The following CTNNA1 variants were observed in gnomAD, a reference collection of about 807,000 sequenced individuals.
CTNNA1 encodes catenin alpha 1, also known as catenin alpha-1.
CTNNA1 carries 37 observed loss-of-function variants against 98.4 expected under a neutral mutation model. The observed-to-expected ratio is 0.38, with a 90% CI of 0.29 to 0.49. The LOEUF (loss-of-function observed/expected upper bound fraction) is 0.49. Ranked by LOEUF, CTNNA1 falls within the 20% of genes least tolerant of loss-of-function variation. The pLI, the probability that CTNNA1 is intolerant of heterozygous loss-of-function variation, is 0.95. For missense variants in CTNNA1, 761 were observed against 1,147.2 expected (o/e 0.66, Z 4.86); for synonymous variants, 404 against 413.2 (o/e 0.98, Z 0.27).
intron 7 of CTNNA1, among the ~76,000 whole-genome samples, chr5:138,849,279 A>T (rs184895921): frequency 3.6e-4 from 55 of 152,220 alleles, no homozygotes; most frequent in Admixed American, 2.4e-3. Context: ...TTTTAAAATT[A>T]GCACTAGAGG....
intron 3 of CTNNA1, among the ~76,000 whole-genome samples, chr5:138,806,915 G>C (rs1435850781): frequency 6.6e-6 from 1 of 151,456 alleles, no homozygotes; most frequent in Non-Finnish European, 1.5e-5. Flanking sequence ...AGCTTTAGTT[G>C]CATTATTTGT....
At chr5:138,899,718 T>A (rs2150113191) in intron 9 of CTNNA1, among the ~76,000 whole-genome samples, 1 of 152,340 alleles carries the variant, frequency 6.6e-6, no homozygotes, top group East Asian at 1.9e-4. Flanking sequence ...AAACACTGTT[T>A]TGGCTGATTG....
intron 7 of CTNNA1, among the ~76,000 whole-genome samples, chr5:138,837,430 T>G (rs1263620206): frequency 6.6e-6 from 1 of 151,218 alleles, no homozygotes; most frequent in Non-Finnish European, 1.5e-5. Flanking sequence ...CTCCTCCTCC[T>G]TCTTTTCTTC....
At chr5:138,823,785 G>A (rs1215461802) in intron 5 of CTNNA1, among the ~76,000 whole-genome samples, 2 of 150,936 alleles carry the variant, frequency 1.3e-5, no homozygotes, top group East Asian at 1.9e-4. Context: ...GTGAAACCCC[G>A]TCTCTACTAA....
intron 11 of CTNNA1, among the ~76,000 whole-genome samples, chr5:138,921,157 T>A (rs1561746337): frequency 6.6e-6 from 1 of 152,212 alleles, no homozygotes; most frequent in Non-Finnish European, 1.5e-5. Context: ...TATTGACCAA[T>A]CCCTTAAGGA....
chr5:138,845,987 C>T (rs569319863), intron 7 of CTNNA1, among the ~76,000 whole-genome samples: 23 of 152,100 alleles, frequency 1.5e-4, no homozygotes, highest in Middle Eastern at 3.4e-3. Flanking sequence ...AGTGAAGTGG[C>T]GCGATCACGG....
At chr5:138,862,920 C>T (rs1166770039) in intron 7 of CTNNA1, among the ~76,000 whole-genome samples, 3 of 152,192 alleles carry the variant, frequency 2.0e-5, no homozygotes, top group Non-Finnish European at 2.9e-5. Context: ...ACTCTCTACA[C>T]GTTGCTATTA....
chr5:138,867,133 C>T (rs1247440473), intron 7 of CTNNA1, among the ~76,000 whole-genome samples: 1 of 152,118 alleles, frequency 6.6e-6, no homozygotes, highest in African/African-American at 2.4e-5. Flanking sequence ...GAATGTGTTC[C>T]TTTGTGCAAT....
At chr5:138,777,224 G>A (rs1206897340) in intron 1 of CTNNA1, among the ~76,000 whole-genome samples, 8 of 151,260 alleles carry the variant, frequency 5.3e-5, no homozygotes, top group African/African-American at 1.2e-4. Context: ...CAGACGGGGC[G>A]GCGGGGCAGA....
intron 1 of CTNNA1, among the ~76,000 whole-genome samples, chr5:138,775,282 C>G (rs1753981283): frequency 6.6e-6 from 1 of 152,202 alleles, no homozygotes; most frequent in Non-Finnish European, 1.5e-5. Context: ...TTTGGTTGAG[C>G]TGTTGTCAAA....
intron 1 of CTNNA1, among the ~76,000 whole-genome samples, chr5:138,759,671 G>C (rs1752096884): frequency 6.6e-6 from 1 of 152,084 alleles, no homozygotes; most frequent in Non-Finnish European, 1.5e-5. Context: ...TGGAGGACAG[G>C]GTCCTTATTA....
intron 9 of CTNNA1, among the ~76,000 whole-genome samples, chr5:138,893,239 C>T (rs1419843718): frequency 6.6e-6 from 1 of 152,064 alleles, no homozygotes; most frequent in African/African-American, 2.4e-5. Flanking sequence ...AGGAGACTGC[C>T]CAGTGTATCC....
intron 1 of CTNNA1, among the ~76,000 whole-genome samples, chr5:138,765,565 G>C (rs1329005951): frequency 6.6e-6 from 1 of 152,196 alleles, no homozygotes; most frequent in Non-Finnish European, 1.5e-5. Flanking sequence ...GCAGTGTGCT[G>C]TGTGCTGGAG....
intron 10 of CTNNA1, among the ~76,000 whole-genome samples, chr5:138,907,094 T>C (rs1458739051): frequency 6.6e-6 from 1 of 152,216 alleles, no homozygotes; most frequent in Non-Finnish European, 1.5e-5. Flanking sequence ...TGATCTCTGC[T>C]CACTGCAGCC....
intron 1 of CTNNA1, among the ~76,000 whole-genome samples, chr5:138,781,285 T>A (rs1755074866): frequency 6.6e-6 from 1 of 152,306 alleles, no homozygotes; most frequent in African/African-American, 2.4e-5. Flanking sequence ...GTGCGGTGGC[T>A]CACGCCTATA....
intron 7 of CTNNA1, among the ~76,000 whole-genome samples, chr5:138,858,010 A>G (rs1763879242): frequency 6.6e-6 from 1 of 152,182 alleles, no homozygotes. Context: ...TTTGAGACAT[A>G]TTTAGCCATC....
intron 9 of CTNNA1, among the ~76,000 whole-genome samples, chr5:138,902,929 G>T (rs1758390332): frequency 6.6e-6 from 1 of 151,670 alleles, no homozygotes; most frequent in Non-Finnish European, 1.5e-5. Flanking sequence ...TTTATCTTAG[G>T]TCATATTTTG....
In CTNNA1 at chr5:138,932,080, G is replaced by A. The variant is rs566407625; in HGVS notation, c.2299-498G>A. On this transcript the variant is annotated intron_variant, in intron 16 of 17. Transcript: ENST00000302763. ...ACTCACTTGTCTTCCACCTCAGCCT[G>A]CAGTGAGTGGCTTTTGTCATCAGGC... 1.0e-4 allele frequency: 102 copies of A among 986,078 alleles called. No homozygotes were observed. The Admixed American group carries it at 2.8e-3, about 27-fold the overall frequency. The allele number at this position is 986,078 out of a possible 1,614,324, so 61.1% of individuals were successfully genotyped here. A position where few individuals can be genotyped will look rare whatever the true frequency, so the allele number is the denominator to read the frequency against.
intron 16 of CTNNA1, chr5:138,931,885 T>C: frequency 1.0e-6 from 1 of 985,556 alleles, no homozygotes; most frequent in Non-Finnish European, 1.2e-6. Flanking sequence ...GTTTGCTTGC[T>C]ATAAACACTT....
Sources: gnomAD v4.1 joint callset for allele counts (sites outside exome capture counted in the v4.1 genomes callset) on GRCh38, gnomAD v4.1.1 for gene constraint, MANE v1.5 for transcripts, NCBI Gene and HGNC (gene_info 2026-07-23, HGNC 2026-07-21) for gene names.